ZBTB20: variants seen among roughly 807,000 people sequenced by gnomAD.
ZBTB20 encodes zinc finger and BTB domain containing 20.
ZBTB20 carries 9 observed loss-of-function variants against 56.9 expected under a neutral mutation model. The ratio of observed to expected loss-of-function variants is 0.16; its 90% CI spans 0.10 to 0.28. ZBTB20 has a LOEUF of 0.28. Among genes scored for constraint, ZBTB20 ranks in the 10% least tolerant of loss-of-function variants. The probability of loss-of-function intolerance (pLI) is 1.00; values close to 1 mark genes in which losing one functional copy is unlikely to be tolerated. For synonymous variants in ZBTB20, 417 were observed against 420.7 expected (o/e 0.99, Z 0.11); for missense variants, 655 against 1,003.0 (o/e 0.65, Z 4.69).
chr3:114,593,040 A>G (rs1173477207), intron 6 of ZBTB20, among the ~76,000 whole-genome samples: 1 of 152,218 alleles, frequency 6.6e-6, no homozygotes, highest in Non-Finnish European at 1.5e-5. Flanking sequence ...TGTATGTTTT[A>G]TAATTATTGA....
At chr3:114,878,195 C>T (rs2076266645) in intron 4 of ZBTB20, among the ~76,000 whole-genome samples, 1 of 152,044 alleles carries the variant, frequency 6.6e-6, no homozygotes, top group South Asian at 2.1e-4. Flanking sequence ...ATTTTTGTTT[C>T]GTGTCTCATT....
intron 7 of ZBTB20, among the ~76,000 whole-genome samples, chr3:114,497,995 G>A (rs956389023): frequency 1.3e-5 from 2 of 152,172 alleles, no homozygotes; most frequent in Non-Finnish European, 2.9e-5. Flanking sequence ...AAGAGTGAGG[G>A]ATAAATTCTG....
At chr3:114,591,756 T>A (rs2107564035) in intron 6 of ZBTB20, among the ~76,000 whole-genome samples, 1 of 152,334 alleles carries the variant, frequency 6.6e-6, no homozygotes, top group Admixed American at 6.5e-5. Context: ...TTCCCAGTTT[T>A]ACTGAGTGTT....
chr3:115,060,898 C>G (rs2081987990), intron 2 of ZBTB20, among the ~76,000 whole-genome samples: 2 of 152,056 alleles, frequency 1.3e-5, no homozygotes, highest in South Asian at 4.1e-4. Context: ...ATAATCTATT[C>G]AATATTTCAG....
At chr3:114,829,108 T>C (rs2073704564) in intron 4 of ZBTB20, among the ~76,000 whole-genome samples, 1 of 151,738 alleles carries the variant, frequency 6.6e-6, no homozygotes, top group African/African-American at 2.4e-5. Flanking sequence ...GTATGGTGCT[T>C]CTCAAAAAGG....
chr3:114,318,041 T>C lies in ZBTB20; in HGVS notation c.*20964A>G, dbSNP rs1269431759. 4 of 152,196 alleles carry C rather than the reference T, an allele frequency of 2.6e-5. No homozygotes were observed. Among genetic ancestry groups the C allele is most frequent in the African/African-American group, 7.2e-5 (3 of 41,458 alleles). The allele number at this position is 152,196 out of a possible 1,614,324, so 9.4% of individuals were successfully genotyped here. On this transcript the variant is annotated 3_prime_UTR_variant, in exon 12 of 12. Coordinates refer to ENST00000675478, the MANE Select transcript of ZBTB20 (RefSeq NM_001348800.3). ...AAGTGCCCCAGTTAAATATCTCCAG[T>C]TCATCATGGTACAGCTTTTGGTGTT...
At chr3:114,781,947 C>CT (rs900052611) in intron 5 of ZBTB20, among the ~76,000 whole-genome samples, 1 of 152,110 alleles carries the variant, frequency 6.6e-6, no homozygotes, top group Admixed American at 6.5e-5. Context: ...TCCATTAAAC[C>CT]TTTTTTTCTT....
intron 6 of ZBTB20, among the ~76,000 whole-genome samples, chr3:114,528,016 G>C (rs1257305678): frequency 6.9e-6 from 1 of 145,596 alleles, no homozygotes; most frequent in African/African-American, 2.6e-5. Context: ...TTGGTTACTA[G>C]ATTATCCTGA....
intron 4 of ZBTB20, among the ~76,000 whole-genome samples, chr3:114,888,612 A>G (rs771311776): frequency 6.6e-6 from 1 of 152,198 alleles, no homozygotes; most frequent in African/African-American, 2.4e-5. Flanking sequence ...TAAATATAAT[A>G]TCAGTAACAA....
At chr3:115,050,786 T>A (rs1208691773) in intron 2 of ZBTB20, among the ~76,000 whole-genome samples, 2 of 152,130 alleles carry the variant, frequency 1.3e-5, no homozygotes, top group East Asian at 3.9e-4. Context: ...TCCTCTGATA[T>A]GGACATATGG....
intron 4 of ZBTB20, among the ~76,000 whole-genome samples, chr3:114,802,065 C>G (rs1047448981): frequency 2.0e-5 from 3 of 151,762 alleles, no homozygotes; most frequent in Non-Finnish European, 4.4e-5. Flanking sequence ...ACATCACACA[C>G]TAGAATTAAA....
At chr3:114,989,746 C>A (rs924448804) in intron 2 of ZBTB20, among the ~76,000 whole-genome samples, 2 of 151,986 alleles carry the variant, frequency 1.3e-5, no homozygotes, top group African/African-American at 4.8e-5. Context: ...ATGGAATGTT[C>A]TTCCATTTGT....
chr3:114,968,671 T>C (rs1413803069), intron 3 of ZBTB20, among the ~76,000 whole-genome samples: 2 of 152,196 alleles, frequency 1.3e-5, no homozygotes, highest in African/African-American at 2.4e-5. Flanking sequence ...TTTTCATCAT[T>C]ACTATACCCC....
At chr3:114,609,770 A>G (rs1466949556) in intron 6 of ZBTB20, among the ~76,000 whole-genome samples, 1 of 152,214 alleles carries the variant, frequency 6.6e-6, no homozygotes, top group Non-Finnish European at 1.5e-5. Flanking sequence ...ACCTGATGGC[A>G]GAATCCACCA....
intron 4 of ZBTB20, among the ~76,000 whole-genome samples, chr3:114,893,741 G>C (rs1560371033): frequency 6.6e-6 from 1 of 152,088 alleles, no homozygotes; most frequent in Non-Finnish European, 1.5e-5. Flanking sequence ...GAAGGGGAGG[G>C]AGTGAGAGAA....
At chr3:115,106,699 C>T (rs1345092755) in intron 1 of ZBTB20, among the ~76,000 whole-genome samples, 1 of 152,084 alleles carries the variant, frequency 6.6e-6, no homozygotes, top group Non-Finnish European at 1.5e-5. Context: ...TAAAGTATTA[C>T]ATGTAAACTA....
rs145663512 is a variant in ZBTB20, at chr3:114,592,975, G to A, written c.-294-92584C>T. Among the ~76,000 whole-genome samples, 5 of 152,166 alleles carry A rather than the reference G, an allele frequency of 3.3e-5. No homozygotes were observed. In the East Asian group the frequency reaches 5.8e-4, roughly 18 times the overall value. On this transcript the variant is annotated intron_variant, in intron 6 of 11. Transcript: ENST00000675478. ...TATAAATGGTTGCTGGGTCCATGAC[G>A]GCTGTTTAAATAGGTAGCTTCCAGG...
At chr3:114,516,977 T>C (rs768017672) in intron 6 of ZBTB20, among the ~76,000 whole-genome samples, 25 of 152,226 alleles carry the variant, frequency 1.6e-4, no homozygotes, top group Non-Finnish European at 3.1e-4. Context: ...AAAACTGATA[T>C]ACTCAGTAAA....
chr3:114,464,160 T>A (rs923663310), intron 7 of ZBTB20, among the ~76,000 whole-genome samples: 1 of 152,210 alleles, frequency 6.6e-6, no homozygotes, highest in African/African-American at 2.4e-5. Context: ...GCTGTTTAAT[T>A]ATATTCACTT....
Sources: gnomAD v4.1 joint callset for allele counts (sites outside exome capture counted in the v4.1 genomes callset) on GRCh38, gnomAD v4.1.1 for gene constraint, MANE v1.5 for transcripts, NCBI Gene and HGNC (gene_info 2026-07-23, HGNC 2026-07-21) for gene names.